RAI14: variants seen among roughly 807,000 people sequenced by gnomAD.
RAI14 encodes the protein retinoic acid induced 14.
RAI14 carries 45 observed loss-of-function variants against 115.4 expected under a neutral mutation model. That is an observed-to-expected ratio of 0.39 (90% CI 0.31 to 0.50). The LOEUF (loss-of-function observed/expected upper bound fraction) is 0.50, where lower values mean the gene tolerates loss of function less well. Ranked by LOEUF, RAI14 falls within the 20% of genes least tolerant of loss-of-function variation. RAI14 has a pLI of 0.85. For missense variants in RAI14, 939 were observed against 1,131.2 expected (o/e 0.83, Z 2.44); for synonymous variants, 371 against 415.4 (o/e 0.89, Z 1.30).
At chr5:34,753,353 A>AT (rs372854231) in intron 2 of RAI14, among the ~76,000 whole-genome samples, 4 of 151,578 alleles carry the variant, frequency 2.6e-5, no homozygotes, top group South Asian at 4.2e-4. Flanking sequence ...ACTTTTTGAG[A>AT]TTTTTTTTGA....
intron 1 of RAI14, among the ~76,000 whole-genome samples, chr5:34,674,311 G>T (rs1743820605): frequency 6.6e-6 from 1 of 152,184 alleles, no homozygotes; most frequent in African/African-American, 2.4e-5. Flanking sequence ...TAAGGAAAGA[G>T]ATTCACAAGC....
intron 3 of RAI14, among the ~76,000 whole-genome samples, chr5:34,776,598 G>C (rs1363052250): frequency 1.3e-5 from 2 of 151,780 alleles, no homozygotes; most frequent in South Asian, 2.1e-4. Context: ...TGGAGCCCAG[G>C]AGTTCAAGGC....
intron 3 of RAI14, among the ~76,000 whole-genome samples, chr5:34,787,561 G>C (rs570267909): frequency 6.6e-6 from 1 of 152,198 alleles, no homozygotes; most frequent in African/African-American, 2.4e-5. Flanking sequence ...ACTGGAAGTA[G>C]ATTTGTGGTT....
At chr5:34,780,937 A>T (rs1349820208) in intron 3 of RAI14, among the ~76,000 whole-genome samples, 1 of 152,170 alleles carries the variant, frequency 6.6e-6, no homozygotes, top group East Asian at 1.9e-4. Context: ...TTATTGCGGC[A>T]CTATTCACAA....
At chr5:34,720,999 A>G (rs1742640959) in intron 2 of RAI14, among the ~76,000 whole-genome samples, 2 of 151,652 alleles carry the variant, frequency 1.3e-5, no homozygotes, top group African/African-American at 4.8e-5. Context: ...TGTTGTTGCT[A>G]TTATTAGTCA....
At chr5:34,806,343 G>A (rs1250910697) in intron 5 of RAI14, among the ~76,000 whole-genome samples, 1 of 152,176 alleles carries the variant, frequency 6.6e-6, no homozygotes, top group Non-Finnish European at 1.5e-5. Flanking sequence ...CCTAAGTACA[G>A]CATGGAAGTG....
At chr5:34,674,294 GC>G (rs1171149610) in intron 1 of RAI14, among the ~76,000 whole-genome samples, 4 of 152,154 alleles carry the variant, frequency 2.6e-5, no homozygotes, top group Non-Finnish European at 5.9e-5. Context: ...GACACTGGAT[GC>G]CTGGGTAAGG....
chr5:34,665,192 TATATATACAC>T (rs1743103164), intron 1 of RAI14, among the ~76,000 whole-genome samples: 2 of 99,872 alleles, frequency 2.0e-5, no homozygotes, highest in South Asian at 3.1e-4. Flanking sequence ...TATATATGTA[TATATATACAC>T]ACACCACAGT....
At position 34,806,466 on chromosome 5, in the gene RAI14, C is replaced by G. The variant is rs189996765; in HGVS notation, c.322-1334C>G. 3.3e-3 allele frequency among the ~76,000 whole-genome samples: 504 copies of G among 152,220 alleles called. 4 individuals carry two copies. Among genetic ancestry groups the G allele is most frequent in the Admixed American group, 6.7e-3 (102 of 15,300 alleles). On this transcript the variant is annotated intron_variant, in intron 5 of 17. Transcript: ENST00000265109. ...AGAACTGGGGAGACGTGCCAGGAGG[C>G]TACCTTAGCTGTTCAGGTGAGAAGA...
intron 2 of RAI14, among the ~76,000 whole-genome samples, chr5:34,753,191 G>A (rs967026997): frequency 1.3e-5 from 2 of 152,148 alleles, no homozygotes; most frequent in Admixed American, 6.5e-5. Flanking sequence ...GGAAAGTGGT[G>A]AGAGGTAATT....
intron 2 of RAI14, among the ~76,000 whole-genome samples, chr5:34,730,192 C>T (rs79427291): frequency 0.014 from 2,083 of 152,266 alleles, 38 homozygotes; most frequent in African/African-American, 0.047. Context: ...CTATTGTTAT[C>T]GTGGTAAGCA....
At chr5:34,828,034 T>C (rs1176438350) in intron 16 of RAI14, among the ~76,000 whole-genome samples, 1 of 152,228 alleles carries the variant, frequency 6.6e-6, no homozygotes, top group Non-Finnish European at 1.5e-5. Flanking sequence ...TGGCACTAGC[T>C]GGCTTTTGGG....
intron 12 of RAI14, among the ~76,000 whole-genome samples, chr5:34,816,528 G>A (rs1483861806): frequency 6.6e-6 from 1 of 152,110 alleles, no homozygotes; most frequent in African/African-American, 2.4e-5. Flanking sequence ...AAGGAAGTGG[G>A]AGGATATTTC....
chr5:34,697,815 T>C (rs1179700355), intron 2 of RAI14, among the ~76,000 whole-genome samples: 1 of 152,204 alleles, frequency 6.6e-6, no homozygotes, highest in African/African-American at 2.4e-5. Context: ...ATTAGTTTAA[T>C]CTGAACCTAC....
intron 2 of RAI14, among the ~76,000 whole-genome samples, chr5:34,737,222 T>C (rs1211726913): frequency 6.6e-6 from 1 of 150,384 alleles, no homozygotes; most frequent in Non-Finnish European, 1.5e-5. Context: ...AATAGAACAA[T>C]TCAGAGGCCA....
chr5:34,688,210 C>T (rs1738095373), intron 2 of RAI14: 2 of 1,551,436 alleles, frequency 1.3e-6, no homozygotes, highest in South Asian at 1.2e-5. Context: ...TGTTATGCAG[C>T]CTACATATCT....
At chr5:34,713,045 C>T (rs1162199234) in intron 2 of RAI14, among the ~76,000 whole-genome samples, 2 of 151,910 alleles carry the variant, frequency 1.3e-5, no homozygotes, top group Non-Finnish European at 2.9e-5. Context: ...TGAAAACAAA[C>T]ACTTTTTATG....
chr5:34,695,059 C>T (rs150532890), intron 2 of RAI14, among the ~76,000 whole-genome samples: 15 of 152,162 alleles, frequency 9.9e-5, no homozygotes, highest in African/African-American at 2.2e-4. Flanking sequence ...CCACCATACC[C>T]GGCTGATTTT....
rs563591829 is a variant in RAI14 at position 34,770,963 on chromosome 5, G to A, written c.167+13365G>A. ...GTGGTCAGGATACAAGGCTCCTGTT[G>A]CAGAACTGAGATGCTGAGGCTCTCA... On this transcript the variant is annotated intron_variant, in intron 3 of 17. Coordinates refer to ENST00000265109, the MANE Select transcript of RAI14 (RefSeq NM_015577.3). Among the ~76,000 whole-genome samples the A allele has an allele frequency of 3.2e-3, 485 of 152,284 alleles. 1 individual carries two copies. The highest frequency in any genetic ancestry group is 8.5e-3 in the Admixed American group (130 of 15,300).
Sources: gnomAD v4.1 joint callset for allele counts (sites outside exome capture counted in the v4.1 genomes callset) on GRCh38, gnomAD v4.1.1 for gene constraint, MANE v1.5 for transcripts, NCBI Gene and HGNC (gene_info 2026-07-23, HGNC 2026-07-21) for gene names.